ZFPM1: variants seen among roughly 807,000 people sequenced by gnomAD.
The protein encoded by ZFPM1 is zinc finger protein, FOG family member 1.
A neutral mutation model predicts 46.3 loss-of-function variants in ZFPM1; 28 were observed. That is an observed-to-expected ratio of 0.60 (90% CI 0.45 to 0.83). ZFPM1 has a LOEUF of 0.83. Ranked by LOEUF, ZFPM1 falls within the 40% of genes least tolerant of loss-of-function variation. The pLI is 0.00. For missense variants in ZFPM1, 1,878 were observed against 1,432.4 expected, an observed-to-expected ratio of 1.31 and a Z score of -5.02; for synonymous variants, 957 against 675.9, an observed-to-expected ratio of 1.42 and a Z score of -6.45.
At chr16:88,481,523 T>C (rs59150640) in intron 1 of ZFPM1, among the ~76,000 whole-genome samples, 15,699 of 151,134 alleles carry the variant, frequency 0.1, 1,494 homozygotes, top group African/African-American at 0.26. Context: ...GGGAATGACC[T>C]GGCTTCCCAC....
chr16:88,491,197 C>T (rs937264543), intron 3 of ZFPM1, among the ~76,000 whole-genome samples: 1 of 152,146 alleles, frequency 6.6e-6, no homozygotes, highest in Non-Finnish European at 1.5e-5. Flanking sequence ...ACTGTGGGGT[C>T]GGGAGGGGCC....
intron 4 of ZFPM1, among the ~76,000 whole-genome samples, chr16:88,519,514 AGATGAATG>A (rs1289610908): frequency 7.1e-6 from 1 of 140,212 alleles, no homozygotes; most frequent in Non-Finnish European, 1.5e-5. Flanking sequence ...GTGGGTAGAT[AGATGAATG>A]GATGAATGAG....
chr16:88,513,625 A>C (rs1911101687), intron 3 of ZFPM1, among the ~76,000 whole-genome samples: 1 of 152,218 alleles, frequency 6.6e-6, no homozygotes, highest in Non-Finnish European at 1.5e-5. Context: ...TCCAGGAGGC[A>C]GGTGAGGGCC....
rs748032247 is a variant in ZFPM1, at chr16:88,532,240, G to A, written c.946+5G>A. 6.3e-7 allele frequency: 1 copy of A among 1,590,622 alleles called. No homozygotes were observed. Among genetic ancestry groups the A allele is most frequent in the Non-Finnish European group, 8.6e-7 (1 of 1,165,150 alleles). ...TCCACATGCGCAGCCACAGCGGTGA[G>A]CCCCCACCCCGGACGCGGGTCCTCA... On this transcript the variant is annotated splice_donor_5th_base_variant and intron_variant, in intron 7 of 9. Transcript: ENST00000319555.
rs949627821 is a variant in ZFPM1, at chr16:88,527,914, C to G, written c.506-118C>G. 15 of 1,067,680 alleles carry G rather than the reference C, an allele frequency of 1.4e-5. No homozygotes were observed. The Admixed American group carries it at 1.9e-4, about 13-fold the overall frequency. The allele number at this position is 1,067,680 out of a possible 1,614,324, so 66.1% of individuals were successfully genotyped here. ...AGGCAGGATGGCCCTGGCAGCCAGC[C>G]AGCCATGGCTGTGAACCCGGGTGGC... On this transcript the variant is annotated intron_variant, in intron 5 of 9. Coordinates refer to ENST00000319555, the MANE Select transcript of ZFPM1 (RefSeq NM_153813.3).
At chr16:88,498,270 C>T (rs1029316264) in intron 3 of ZFPM1, among the ~76,000 whole-genome samples, 2 of 152,180 alleles carry the variant, frequency 1.3e-5, no homozygotes, top group Non-Finnish European at 2.9e-5. Flanking sequence ...AGACAGAACC[C>T]GAGGAGGGGC....
chr16:88,516,161 A>G, intron 4 of ZFPM1: 1 of 398,676 alleles, frequency 2.5e-6, no homozygotes, highest in Non-Finnish European at 4.4e-6. Flanking sequence ...CCAAATACCC[A>G]GGATCAAACA....
At chr16:88,464,936 C>T (rs1248696880) in intron 1 of ZFPM1, among the ~76,000 whole-genome samples, 1 of 152,142 alleles carries the variant, frequency 6.6e-6, no homozygotes, top group African/African-American at 2.4e-5. Flanking sequence ...CCACTCCTCC[C>T]GAAGATAAGA....
chr16:88,461,637 G>A (rs1022100135), intron 1 of ZFPM1, among the ~76,000 whole-genome samples: 8 of 152,122 alleles, frequency 5.3e-5, no homozygotes, highest in Admixed American at 1.3e-4. Context: ...TGGAGCTGCC[G>A]GTTGCATTAT....
chr16:88,504,219 C>T (rs1263907348), intron 3 of ZFPM1, among the ~76,000 whole-genome samples: 1 of 152,120 alleles, frequency 6.6e-6, no homozygotes, highest in Non-Finnish European at 1.5e-5. Flanking sequence ...GGGGCAGAGG[C>T]CAGGGCGCCC....
intron 4 of ZFPM1, among the ~76,000 whole-genome samples, chr16:88,520,658 TG>T (rs1342384192): frequency 1.4e-5 from 1 of 71,982 alleles, no homozygotes; most frequent in Admixed American, 2.0e-4. Context: ...GGTGGATGGA[TG>T]GGAGGGTGGG....
At position 88,534,428 on chromosome 16, in the gene ZFPM1, G is replaced by C; in HGVS notation, c.2470G>C (p.Val824Leu). 1.3e-6 allele frequency: 2 copies of C among 1,495,116 alleles called. No individual in the cohort carries two copies. The highest frequency in any genetic ancestry group is 1.8e-6 in the Non-Finnish European group (2 of 1,129,618). 92.6% of individuals were successfully genotyped at this position (1,495,116 alleles called of 1,614,324 possible). Residue 824 changes from valine to leucine, a missense_variant, in exon 10 of 10, where the codon GTG (valine) becomes CTG (leucine). Coordinates refer to ENST00000319555, the MANE Select transcript of ZFPM1 (RefSeq NM_153813.3). ...CTACCACGAGTGCACGGCCTGCCGC[G>C]TGAGCTTCCACAGCCTCGAGGCCTA... Reference protein sequence around the residue: ...ADYHECTACRVSFHSLEAYLA... With the variant: ...ADYHECTACRLSFHSLEAYLA...
chr16:88,515,550 G>A (rs773852100), intron 4 of ZFPM1, among the ~76,000 whole-genome samples: 1 of 152,244 alleles, frequency 6.6e-6, no homozygotes, highest in Non-Finnish European at 1.5e-5. Flanking sequence ...GTGCAGGGAA[G>A]CCCAGGGCAC....
At position 88,497,347 on chromosome 16, in the gene ZFPM1, G is replaced by A. The variant is rs1390361648; in HGVS notation, c.268+8194G>A. 6.6e-6 allele frequency among the ~76,000 whole-genome samples: 1 copy of A among 152,082 alleles called. No homozygotes were observed. Among genetic ancestry groups the A allele is most frequent in the Non-Finnish European group, 1.5e-5 (1 of 68,020 alleles). ...GGGTGTGCACAAGGAGCTGGCTCAG[G>A]GCCTGAGTTTCAAGTGGTCAGTGGT... On this transcript the variant is annotated intron_variant, in intron 3 of 9. Transcript: ENST00000319555. The surrounding 1 kb of genome is among the most constrained non-coding windows in gnomAD (Gnocchi z 5.4).
At chr16:88,472,645 C>T (rs1050241216) in intron 1 of ZFPM1, among the ~76,000 whole-genome samples, 1 of 152,216 alleles carries the variant, frequency 6.6e-6, no homozygotes, top group African/African-American at 2.4e-5. Flanking sequence ...AGCCACTGCG[C>T]CCGGCCTGAA....
Position 88,469,860 on chromosome 16 carries a change from G to A in ZFPM1, c.41-16079G>A, listed in dbSNP as rs1032235060. Reference sequence around the variant, plus strand: ...TGGCCAGGGCCCCACCCCCTAACGTGGGGTGCAGTGCCTCTCACGTGGTGA... The same window carrying A: ...TGGCCAGGGCCCCACCCCCTAACGTAGGGTGCAGTGCCTCTCACGTGGTGA... On this transcript the variant is annotated intron_variant, in intron 1 of 9. Coordinates refer to ENST00000319555, the MANE Select transcript of ZFPM1 (RefSeq NM_153813.3). This position sits in a 1 kb window ranked among gnomAD's most constrained non-coding sequence, Gnocchi z 4.3. Among the ~76,000 whole-genome samples, 4 of 152,072 alleles carry A rather than the reference G, an allele frequency of 2.6e-5. No individual in the cohort carries two copies. Among genetic ancestry groups the A allele is most frequent in the African/African-American group, 9.7e-5 (4 of 41,398 alleles).
Position 88,534,997 on chromosome 16 carries a change from G to T in ZFPM1, c.*18G>T, listed in dbSNP as rs1341533295. ...TGAAGTGAGCGCCCACACTACAGCCGCAGACGCTTTGCACGCCCCGCTGCG... is the reference window on the plus strand; with the variant it reads ...TGAAGTGAGCGCCCACACTACAGCCTCAGACGCTTTGCACGCCCCGCTGCG... On this transcript the variant is annotated 3_prime_UTR_variant, in exon 10 of 10. Coordinates refer to ENST00000319555, the MANE Select transcript of ZFPM1 (RefSeq NM_153813.3). 1.4e-6 allele frequency: 2 copies of T among 1,383,538 alleles called. No individual in the cohort carries two copies. The highest frequency in any genetic ancestry group is 2.4e-5 in the Admixed American group (1 of 40,842). 85.7% of individuals were successfully genotyped at this position (1,383,538 alleles called of 1,614,324 possible).
intron 4 of ZFPM1, among the ~76,000 whole-genome samples, chr16:88,519,123 T>G (rs535441344): frequency 8.4e-6 from 1 of 119,350 alleles, no homozygotes; most frequent in African/African-American, 3.4e-5. Context: ...GATGGATGGA[T>G]GGATGGGTGG....
chr16:88,477,398 G>A (rs868057912), intron 1 of ZFPM1, among the ~76,000 whole-genome samples: 3 of 152,354 alleles, frequency 2.0e-5, no homozygotes, highest in Middle Eastern at 3.4e-3. Flanking sequence ...ACTGGGCCAG[G>A]TGGGGCCCTG....
Sources: gnomAD v4.1 joint callset for allele counts (sites outside exome capture counted in the v4.1 genomes callset) on GRCh38, gnomAD v4.1.1 for gene constraint, Gnocchi (gnomAD v3.1) non-coding constraint, MANE v1.5 for transcripts, NCBI Gene and HGNC (gene_info 2026-07-23, HGNC 2026-07-21) for gene names.